TFPI: variants seen among roughly 807,000 people sequenced by gnomAD.
TFPI encodes tissue factor pathway inhibitor.
A neutral mutation model predicts 34.6 loss-of-function variants in TFPI; 15 were observed. The observed-to-expected ratio is 0.43, with a 90% confidence interval of 0.29 to 0.67. TFPI has a LOEUF of 0.67. TFPI is among the 30% of genes least tolerant of loss of function. The pLI is 0.15. For missense variants in TFPI, 301 were observed against 364.0 expected, an observed-to-expected ratio of 0.83 and a Z score of 1.41; for synonymous variants, 105 against 120.1, an observed-to-expected ratio of 0.87 and a Z score of 0.82.
chr2:187,530,088 A>G (rs1341583351), intron 1 of TFPI, among the ~76,000 whole-genome samples: 2 of 152,184 alleles, frequency 1.3e-5, no homozygotes, highest in Middle Eastern at 3.2e-3. Context: ...TTTGCTCACA[A>G]TAAGAAGGAA....
intron 6 of TFPI, 106 bp downstream of exon 6, chr2:187,484,018 C>T (rs981587330): frequency 3.2e-5 from 28 of 868,526 alleles, no homozygotes; most frequent in Middle Eastern, 2.2e-4. Context: ...TAAGCAACAA[C>T]GCAGGTATAT....
chr2:187,470,371 C>T (rs1236307862), intron 6 of TFPI, among the ~76,000 whole-genome samples: 3 of 152,100 alleles, frequency 2.0e-5, no homozygotes, highest in Non-Finnish European at 4.4e-5. Flanking sequence ...CCACATACAA[C>T]CTATAGTAAA....
chr2:187,524,449 C>G (rs1332838463), intron 1 of TFPI, among the ~76,000 whole-genome samples: 3 of 151,970 alleles, frequency 2.0e-5, no homozygotes, highest in African/African-American at 7.3e-5. Context: ...TGTGTGCTGT[C>G]TCCACCACTA....
chr2:187,500,139 G>A (rs1489488468), intron 2 of TFPI, among the ~76,000 whole-genome samples: 1 of 152,060 alleles, frequency 6.6e-6, no homozygotes, highest in Non-Finnish European at 1.5e-5. Flanking sequence ...AGCAGGTGGT[G>A]GCAGTGCACC....
intron 3 of TFPI, among the ~76,000 whole-genome samples, chr2:187,495,823 C>A (rs1559117953): frequency 6.6e-6 from 1 of 151,968 alleles, no homozygotes; most frequent in Non-Finnish European, 1.5e-5. Flanking sequence ...TGTATCCAAC[C>A]AGCTCTACGA....
chr2:187,507,743 T>C (rs1221348948), intron 1 of TFPI, among the ~76,000 whole-genome samples: 1 of 152,254 alleles, frequency 6.6e-6, no homozygotes, highest in Non-Finnish European at 1.5e-5. Context: ...GCAAAAATTT[T>C]CTCCCATTCT....
intron 6 of TFPI, among the ~76,000 whole-genome samples, chr2:187,479,663 T>C (rs1269929732): frequency 6.7e-6 from 1 of 149,334 alleles, no homozygotes; most frequent in African/African-American, 2.4e-5. Flanking sequence ...AATTCCATTT[T>C]TAAGTCAATG....
At chr2:187,503,934 G>A (rs918123408) in intron 1 of TFPI, among the ~76,000 whole-genome samples, 164 bp from the exon 2 acceptor site, 6 of 152,052 alleles carry the variant, frequency 3.9e-5, no homozygotes, top group African/African-American at 1.4e-4. Flanking sequence ...TACTTAAAAT[G>A]TATATGTAGT....
At chr2:187,511,657 G>A (rs1328870032) in intron 1 of TFPI, among the ~76,000 whole-genome samples, 1 of 152,078 alleles carries the variant, frequency 6.6e-6, no homozygotes, top group East Asian at 1.9e-4. Context: ...AAGCCTTGAC[G>A]GGTCCGTTGT....
At chr2:187,529,832 T>G (rs1159700572) in intron 1 of TFPI, among the ~76,000 whole-genome samples, 1 of 152,214 alleles carries the variant, frequency 6.6e-6, no homozygotes, top group Non-Finnish European at 1.5e-5. Context: ...CCTTTCCACA[T>G]AGCTATAGAC....
rs747420764 is a variant in TFPI, at chr2:187,478,709, A to G, written c.628+5415T>C. On this transcript the variant is annotated intron_variant, in intron 6 of 7. Transcript: ENST00000233156. ...GGCATGAAATGCTATCCAATCCTAG[A>G]AAGAACATGGATGCATGAATGCAGA... is the stretch of plus-strand genomic sequence containing the variant. 3 of 1,613,552 alleles carry G rather than the reference A, an allele frequency of 1.9e-6. No homozygotes were observed. In the East Asian group the frequency reaches 6.7e-5, roughly 36 times the overall value.
chr2:187,520,298 G>A (rs1345920054), intron 1 of TFPI, among the ~76,000 whole-genome samples: 3 of 152,118 alleles, frequency 2.0e-5, no homozygotes, highest in Non-Finnish European at 4.4e-5. Flanking sequence ...GAAATCTCCG[G>A]GTCTGTGGGT....
intron 1 of TFPI, among the ~76,000 whole-genome samples, chr2:187,531,573 CTT>C (rs2106257490): frequency 6.6e-6 from 1 of 152,092 alleles, no homozygotes; most frequent in South Asian, 2.1e-4. Context: ...GCATATTCCT[CTT>C]TTGATATGAT....
intron 3 of TFPI, among the ~76,000 whole-genome samples, chr2:187,494,496 G>T (rs775499253): frequency 5.9e-5 from 9 of 152,070 alleles, no homozygotes; most frequent in Non-Finnish European, 1.3e-4. Context: ...ATCCTGCACT[G>T]CCTTTTGTTC....
chr2:187,544,240 ATC>A (rs889198631), intron 1 of TFPI, among the ~76,000 whole-genome samples: 1 of 152,192 alleles, frequency 6.6e-6, no homozygotes, highest in African/African-American at 2.4e-5. Context: ...CCCATGCCAA[ATC>A]CCCATTTCTT....
At chr2:187,514,733 A>T (rs1270560124) in intron 1 of TFPI, 1 of 152,214 alleles carries the variant, frequency 6.6e-6, no homozygotes, top group Non-Finnish European at 1.5e-5. Flanking sequence ...CATCAACCAG[A>T]GGGAGGAAAA....
intron 3 of TFPI, among the ~76,000 whole-genome samples, chr2:187,489,398 G>A (rs1328716272): frequency 4.0e-5 from 6 of 151,200 alleles, no homozygotes; most frequent in East Asian, 1.9e-4. Context: ...GTGTGTGTGT[G>A]TATATGTATA....
At chr2:187,498,222 A>G (rs1206421239) in intron 2 of TFPI, among the ~76,000 whole-genome samples, 2 of 151,880 alleles carry the variant, frequency 1.3e-5, no homozygotes, top group African/African-American at 4.8e-5. Flanking sequence ...AAAATACAGG[A>G]TAAGTTTTTG....
intron 1 of TFPI, among the ~76,000 whole-genome samples, chr2:187,520,766 T>G (rs1687325794): frequency 6.6e-6 from 1 of 152,108 alleles, no homozygotes; most frequent in African/African-American, 2.4e-5. Flanking sequence ...ATTTAATCCT[T>G]TATTTATATA....
Sources: allele counts gnomAD v4.1 joint callset (sites outside exome capture counted in the v4.1 genomes callset), GRCh38; gene constraint gnomAD v4.1.1; transcripts MANE v1.5; gene names NCBI Gene and HGNC (gene_info 2026-07-23, HGNC 2026-07-21).